Variants in SEMA4A observed in about 807,000 individuals in gnomAD.
The protein encoded by SEMA4A is semaphorin-4A.
In SEMA4A, 52 loss-of-function variants were observed where a neutral mutation model predicts 72.5. The observed-to-expected ratio is 0.72, with a 90% confidence interval of 0.57 to 0.90. The LOEUF is 0.90. SEMA4A is among the 40% of genes least tolerant of loss of function. SEMA4A has a pLI of 0.00. For missense variants in SEMA4A, 926 were observed against 959.7 expected, an observed-to-expected ratio of 0.96 and a Z score of 0.46; for synonymous variants, 369 against 393.1, an observed-to-expected ratio of 0.94 and a Z score of 0.73.
chr1:156,158,083 CCAGTGA>C lies in SEMA4A; in HGVS notation c.318_323del (p.Ser106_Asp107del). On this transcript the variant is annotated inframe_deletion, in exon 4 of 15. Transcript: ENST00000368285. ...CCCCACTTTCAGATACCGTGGCCAG[CCAGTGA>C]CAGAAAAAAGAGTGAATGTGCCTTT... is the stretch of plus-strand genomic sequence containing the variant. 1 of 1,614,038 alleles carries C rather than the reference CCAGTGA, an allele frequency of 6.2e-7. No individual in the cohort carries two copies. Among genetic ancestry groups the C allele is most frequent in the East Asian group, 2.2e-5 (1 of 44,882 alleles).
In SEMA4A at chr1:156,177,379, C is replaced by T; in HGVS notation, c.*382C>T. 1 of 336,166 alleles carries T rather than the reference C, an allele frequency of 3.0e-6. No homozygotes were observed. Among genetic ancestry groups the T allele is most frequent in the Non-Finnish European group, 5.7e-6 (1 of 174,794 alleles). The allele number at this position is 336,166 out of a possible 1,614,324, so 20.8% of individuals were successfully genotyped here. Reference sequence around the variant, plus strand: ...GGACCCTATGGTAATGAACACCAAACATCTAAACAATCATATGCTAACATG... The same window carrying T: ...GGACCCTATGGTAATGAACACCAAATATCTAAACAATCATATGCTAACATG... On this transcript the variant is annotated 3_prime_UTR_variant, in exon 15 of 15. Coordinates refer to ENST00000368285, the MANE Select transcript of SEMA4A (RefSeq NM_022367.4).
chr1:156,164,861 C>T (rs970027393), intron 10 of SEMA4A, among the ~76,000 whole-genome samples: 1 of 151,938 alleles, frequency 6.6e-6, no homozygotes. Flanking sequence ...AGTGCAATGG[C>T]GTGATCTCGG....
At chr1:156,172,693 CG>C (rs1654916140) in intron 10 of SEMA4A, 132 bp from the exon 11 acceptor site, 1 of 852,216 alleles carries the variant, frequency 1.2e-6, no homozygotes, top group Non-Finnish European at 2.0e-6. Context: ...GCTCCAGAGT[CG>C]GAGCTTTAAC....
upstream of SEMA4A, among the ~76,000 whole-genome samples, chr1:156,150,958 T>A (rs1441367405): frequency 6.6e-6 from 1 of 152,080 alleles, no homozygotes; most frequent in Non-Finnish European, 1.5e-5. Flanking sequence ...ACACGGCCCC[T>A]GTGGGCAGGT....
At chr1:156,154,842 C>A in intron 2 of SEMA4A, 125 bp downstream of exon 2, 1 of 1,170,404 alleles carries the variant, frequency 8.5e-7, no homozygotes, top group Non-Finnish European at 1.2e-6. Flanking sequence ...GAGAGAGATG[C>A]CAGGGAGAAA....
Position 156,161,467 on chromosome 1 carries a change from C to T in SEMA4A, c.932C>T (p.Pro311Leu). The change falls in exon 9 of 15, where the codon CCC (proline) becomes CTC (leucine). Residue 311 changes from proline to leucine, a missense_variant. Transcript: ENST00000368285. ...GTCATCCGCCACGCGGTCCTGCTCC[C>T]CGCCGATTCTCCCACAGCTCCCCAC... Reference protein sequence around the residue: ...FNVIRHAVLLPADSPTAPHIY... With the variant: ...FNVIRHAVLLLADSPTAPHIY... The T allele has an allele frequency of 2.5e-6, 4 of 1,614,080 alleles. No individual in the cohort carries two copies. The South Asian group carries it at 3.3e-5, about 13-fold the overall frequency.
chr1:156,173,063 G>A, intron 11 of SEMA4A, 57 bp downstream of exon 11: 1 of 1,536,302 alleles, frequency 6.5e-7, no homozygotes, highest in Non-Finnish European at 8.9e-7. Flanking sequence ...ATGCCCCCAG[G>A]TTGAGGAGGG....
At chr1:156,158,338 A>G in intron 4 of SEMA4A, 50 bp from the exon 5 acceptor site, 1 of 1,485,220 alleles carries the variant, frequency 6.7e-7, no homozygotes, top group Non-Finnish European at 9.4e-7. Flanking sequence ...CTGGGGGTCC[A>G]GCAATTTGAG....
upstream of SEMA4A, among the ~76,000 whole-genome samples, chr1:156,151,392 A>G (rs552108040): frequency 2.6e-5 from 4 of 152,326 alleles, no homozygotes; most frequent in African/African-American, 4.8e-5. Flanking sequence ...TGAGGGGTGC[A>G]CTGCTGGGGG....
At position 156,172,976 on chromosome 1, in the gene SEMA4A, C is replaced by A; in HGVS notation, c.1285C>A (p.His429Asn). ...GGAGACAGCCCAGGGCCTTGATGGG[C>A]ACAGCCATCTTGTCATGTACCTGGG... is the stretch of plus-strand genomic sequence containing the variant. ...AVETAQGLDG[H>N]SHLVMYLGTT... Residue 429 changes from histidine (H) to asparagine (N), a missense_variant, in exon 11 of 15, where the codon CAC becomes AAC. Physicochemically the swap from His to Asn is moderately conservative, Grantham distance 68. Transcript: ENST00000368285. The A allele has an allele frequency of 6.2e-7, 1 of 1,614,078 alleles. No individual in the cohort carries two copies. The highest frequency in any genetic ancestry group is 2.2e-5 in the East Asian group (1 of 44,892).
At position 156,175,203 on chromosome 1, in the gene SEMA4A, C is replaced by A. The variant is rs1165931061; in HGVS notation, c.1552C>A (p.Pro518Thr). The A allele has an allele frequency of 6.2e-7, 1 of 1,614,004 alleles. No individual in the cohort carries two copies. Among genetic ancestry groups the A allele is most frequent in the South Asian group, 1.1e-5 (1 of 91,078 alleles). ...CCGGGACCCCCACTGTGCCTGGGAC[C>A]CTGAGTCCCGAACCTGTTGCCTCCT... ...LARDPHCAWD[P>T]ESRTCCLLSA... The change falls in exon 13 of 15, where the codon CCT becomes ACT. Residue 518 changes from proline (P) to threonine (T), a missense_variant. Coordinates refer to ENST00000368285, the MANE Select transcript of SEMA4A (RefSeq NM_022367.4).
At position 156,176,818 on chromosome 1, in the gene SEMA4A, G is replaced by C. The variant is rs775595294; in HGVS notation, c.2107G>C (p.Val703Leu). The C allele has an allele frequency of 3.7e-6, 6 of 1,614,026 alleles. No individual in the cohort carries two copies. The highest frequency in any genetic ancestry group is 2.2e-5 in the East Asian group (1 of 44,898). The change falls in exon 15 of 15, where the codon GTG becomes CTG. Residue 703 changes from valine (V) to leucine (L), a missense_variant. Coordinates refer to ENST00000368285, the MANE Select transcript of SEMA4A (RefSeq NM_022367.4). The part of the protein sequence containing the change: ...LVLSGALIIL[V>L]ASPLRALRAR... Reference sequence around the variant, plus strand: ...GCTTTCAGGAGCCCTCATCATCCTCGTGGCCTCCCCATTGAGAGCACTCCG... The same window carrying C: ...GCTTTCAGGAGCCCTCATCATCCTCCTGGCCTCCCCATTGAGAGCACTCCG...
At chr1:156,153,375 T>C (rs1214043981), upstream of SEMA4A, 1 of 152,162 alleles carries the variant, frequency 6.6e-6, no homozygotes, top group Non-Finnish European at 1.5e-5. Context: ...GGCTGTGACA[T>C]GATGGAGAGG....
chr1:156,173,191 A>G (rs1198952833), intron 11 of SEMA4A, among the ~76,000 whole-genome samples, 185 bp downstream of exon 11: 1 of 152,084 alleles, frequency 6.6e-6, no homozygotes, highest in Non-Finnish European at 1.5e-5. Flanking sequence ...TCCACTCCCT[A>G]CCCTTTCTGA....
rs1307212868 is a variant in SEMA4A at position 156,175,614 on chromosome 1, C to T, written c.1651C>T (p.Pro551Ser). Residue 551 changes from proline to serine, a missense_variant, in exon 14 of 15, where the codon CCC (proline) becomes TCC (serine). Coordinates refer to ENST00000368285, the MANE Select transcript of SEMA4A (RefSeq NM_022367.4). The stretch of plus-strand genomic sequence containing the variant: ...CCCAGAGTGGGCATGTGCCAGTGGC[C>T]CCATGAGCAGGAGCCTTCGGCCTCA... Reference protein sequence around the residue: ...GNPEWACASGPMSRSLRPQSR... With the variant: ...GNPEWACASGSMSRSLRPQSR... The T allele has an allele frequency of 6.2e-7, 1 of 1,613,016 alleles. No homozygotes were observed. The highest frequency in any genetic ancestry group is 1.7e-5 in the Admixed American group (1 of 59,904).
At chr1:156,151,254 C>G (rs1471340192), upstream of SEMA4A, among the ~76,000 whole-genome samples, 1 of 152,224 alleles carries the variant, frequency 6.6e-6, no homozygotes, top group Non-Finnish European at 1.5e-5. Context: ...AAGTGTGGCC[C>G]TTCTGAGCAC....
At chr1:156,173,274 A>G (rs1278987186) in intron 11 of SEMA4A, among the ~76,000 whole-genome samples, 1 of 151,990 alleles carries the variant, frequency 6.6e-6, no homozygotes, top group Non-Finnish European at 1.5e-5. Context: ...CTTATGAGGG[A>G]AGCTATGTTA....
intron 9 of SEMA4A, among the ~76,000 whole-genome samples, chr1:156,162,560 A>G (rs771665117): frequency 2.6e-5 from 4 of 152,254 alleles, no homozygotes; most frequent in Non-Finnish European, 5.9e-5. Context: ...TCTGAGGACC[A>G]GGGATCCAAG....
upstream of SEMA4A, among the ~76,000 whole-genome samples, chr1:156,148,481 C>T (rs1652268512): frequency 6.6e-6 from 1 of 152,224 alleles, no homozygotes; most frequent in Non-Finnish European, 1.5e-5. Context: ...AATGCTCAAC[C>T]ACCACCCCAG....
Sources: gnomAD v4.1 joint callset for allele counts (sites outside exome capture counted in the v4.1 genomes callset) on GRCh38, gnomAD v4.1.1 for gene constraint, MANE v1.5 for transcripts, NCBI Gene and HGNC (gene_info 2026-07-23, HGNC 2026-07-21) for gene names.